Variants in CEBPZOS observed in about 807,000 individuals in gnomAD.
The protein encoded by CEBPZOS is CEBPZ opposite strand.
In CEBPZOS, 10 loss-of-function variants were observed where a neutral mutation model predicts 4.8. The observed-to-expected ratio is 2.07, with a 90% CI of 1.28 to 3.52. The LOEUF (loss-of-function observed/expected upper bound fraction) is 3.52. Among genes scored for constraint, CEBPZOS ranks in the 30% most tolerant of loss-of-function variants. CEBPZOS has a pLI of 0.00. For synonymous variants in CEBPZOS, 25 were observed against 14.2 expected (o/e 1.77, Z -1.72); for missense variants, 98 against 43.6 (o/e 2.25, Z -3.51).
At chr2:37,214,802 A>T, downstream of CEBPZOS, 1 of 831,894 alleles carries the variant, frequency 1.2e-6, no homozygotes, top group Non-Finnish European at 2.0e-6. Context: ...GAAGTAGATT[A>T]TTTCATAAAA....
Position 37,204,076 on chromosome 2 carries a change from T to C in CEBPZOS, c.*2216T>C, listed in dbSNP as rs1677421236. ...TCTTGATTTTTATTAAGGTGATATGTATGTTACTTAACAGCTGTATAATAC... is the reference window on the plus strand; with the variant it reads ...TCTTGATTTTTATTAAGGTGATATGCATGTTACTTAACAGCTGTATAATAC... On this transcript the variant is annotated 3_prime_UTR_variant, in exon 5 of 5. Coordinates refer to ENST00000402297, the MANE Select transcript of CEBPZOS (RefSeq NM_001322374.2). 6.6e-6 allele frequency: 1 copy of C among 150,852 alleles called. No homozygotes were observed. The highest frequency in any genetic ancestry group is 2.1e-4 in the South Asian group (1 of 4,830). The allele number at this position is 150,852 out of a possible 1,614,324, so 9.3% of individuals were successfully genotyped here. A position where few individuals can be genotyped will look rare whatever the true frequency, so the allele number is the denominator to read the frequency against.
At chr2:37,213,748 T>C, downstream of CEBPZOS, 1 of 672,626 alleles carries the variant, frequency 1.5e-6, no homozygotes, top group Non-Finnish European at 2.5e-6. Flanking sequence ...GTGATTTGCA[T>C]GATATTCTTA....
intron 3 of CEBPZOS, chr2:37,201,345 T>G: frequency 2.0e-6 from 1 of 505,314 alleles, no homozygotes; most frequent in East Asian, 3.5e-5. Context: ...AACCACAGTT[T>G]AAACCTTTGG....
At position 37,212,446 on chromosome 2, in the gene CEBPZOS, A is replaced by G. The variant is rs192967955; in HGVS notation, c.*3-991A>G. 7.6e-5 allele frequency: 106 copies of G among 1,396,356 alleles called. No homozygotes were observed. In the African/African-American group the frequency reaches 1.4e-3, roughly 18 times the overall value. 86.5% of individuals were successfully genotyped at this position (1,396,356 alleles called of 1,614,324 possible). ...CAACAAAGAATGACAAGCTTGACAT[A>G]TATCTTGTATCTGAATCAATTATTC... is the stretch of plus-strand genomic sequence containing the variant. On this transcript the variant is annotated intron_variant, in intron 4 of 4. Transcript: ENST00000397064.
At chr2:37,210,228 A>AAGAACTGAAAGT (rs1677677315) in intron 4 of CEBPZOS, 1 of 152,354 alleles carries the variant, frequency 6.6e-6, no homozygotes, top group East Asian at 1.9e-4. Context: ...AGAGTCCTTA[A>AAGAACTGAAAGT]AGAACTGAAA....
chr2:37,206,297 G>A (rs1259289995), downstream of CEBPZOS, among the ~76,000 whole-genome samples: 1 of 152,232 alleles, frequency 6.6e-6, no homozygotes, highest in African/African-American at 2.4e-5. Context: ...TATCTATGCT[G>A]AGAATTCACC....
chr2:37,214,035 T>C (rs1210529992), downstream of CEBPZOS: 7 of 734,888 alleles, frequency 9.5e-6, no homozygotes, highest in South Asian at 1.2e-4. Flanking sequence ...AAAGCACCTA[T>C]GACCAGTGGC....
chr2:37,213,705 C>T (rs1289033495), exon 5 of CEBPZOS: 3 of 550,656 alleles, frequency 5.4e-6, no homozygotes, highest in East Asian at 3.6e-5. Context: ...TGAGCCACAG[C>T]GCCTGGCCCC....
At chr2:37,211,943 T>G (rs776637530) in intron 4 of CEBPZOS, 3 of 1,613,810 alleles carry the variant, frequency 1.9e-6, no homozygotes, top group Non-Finnish European at 2.5e-6. Context: ...CTAAAGAAAC[T>G]TCATCGTCAT....
chr2:37,201,047 G>A lies in CEBPZOS; in HGVS notation c.116-1G>A. 1.4e-6 allele frequency: 1 copy of A among 715,024 alleles called. No individual in the cohort carries two copies. Among genetic ancestry groups the A allele is most frequent in the South Asian group, 1.5e-5 (1 of 66,762 alleles). The allele number at this position is 715,024 out of a possible 1,614,324, so 44.3% of individuals were successfully genotyped here. A position where few individuals can be genotyped will look rare whatever the true frequency, so the allele number is the denominator to read the frequency against. On this transcript the variant is annotated splice_acceptor_variant, in intron 2 of 4. Transcript: ENST00000402297. LOFTEE classifies it high-confidence loss of function. Reference sequence around the variant, plus strand: ...TTTCAAGACATCCTTTTTTCCATCAGATTTCAGGCAAACAATGAGCAAGAA... The same window carrying A: ...TTTCAAGACATCCTTTTTTCCATCAAATTTCAGGCAAACAATGAGCAAGAA...
downstream of CEBPZOS, chr2:37,215,046 C>G: frequency 1.3e-6 from 1 of 796,192 alleles, no homozygotes. Context: ...ATCTGTAATT[C>G]TAAAAATCTC....
chr2:37,213,725 T>C (rs1170205253), exon 5 of CEBPZOS: 1 of 605,606 alleles, frequency 1.7e-6, no homozygotes, highest in Non-Finnish European at 2.8e-6. Context: ...CAAATATTTC[T>C]TAATCTTCCA....
chr2:37,199,850 A>T lies in CEBPZOS; in HGVS notation c.115+31A>T, dbSNP rs1306273672. 6 of 713,514 alleles carry T rather than the reference A, an allele frequency of 8.4e-6. No individual in the cohort carries two copies. The African/African-American group carries it at 1.1e-4, about 13-fold the overall frequency. The allele number at this position is 713,514 out of a possible 1,614,324, so 44.2% of individuals were successfully genotyped here. On this transcript the variant is annotated intron_variant, in intron 2 of 4. Coordinates refer to ENST00000402297, the MANE Select transcript of CEBPZOS (RefSeq NM_001322374.2). ...CATAATTCAGAAGTTAATGCTTTCT[A>T]AAGGGGTATAGTTTTGCTAATCCAT...
chr2:37,201,602 T>G (rs1161179835), intron 3 of CEBPZOS, 40 bp from the exon 4 acceptor site: 2 of 675,616 alleles, frequency 3.0e-6, no homozygotes, highest in Non-Finnish European at 2.7e-6. Flanking sequence ...TAACAATGCT[T>G]CCACATGACT....
intron 1 of CEBPZOS, 31 bp downstream of exon 1, chr2:37,196,551 C>G (rs1012409674): frequency 6.6e-6 from 1 of 152,322 alleles, no homozygotes; most frequent in Non-Finnish European, 1.5e-5. Context: ...TTCCCATGGG[C>G]GGTCGGATTT....
chr2:37,209,414 CAA>C (rs796536578), downstream of CEBPZOS: 1 of 152,082 alleles, frequency 6.6e-6, no homozygotes, highest in South Asian at 2.1e-4. Flanking sequence ...CTATTGTTAC[CAA>C]AATAGCATGG....
chr2:37,210,730 T>G, intron 4 of CEBPZOS: 1 of 331,196 alleles, frequency 3.0e-6, no homozygotes, highest in Non-Finnish European at 5.6e-6. Context: ...CTTACCTATG[T>G]AACCAAACAC....
chr2:37,205,131 C>G (rs937419009), downstream of CEBPZOS, among the ~76,000 whole-genome samples: 12 of 152,260 alleles, frequency 7.9e-5, no homozygotes, highest in East Asian at 9.6e-4. Flanking sequence ...TATTACAGGA[C>G]TAAGAAATTG....
At chr2:37,212,155 C>G in intron 4 of CEBPZOS, 1 of 1,022,204 alleles carries the variant, frequency 9.8e-7, no homozygotes. Flanking sequence ...GCTTTGCAGA[C>G]TGCTCAGAGT....
Sources: allele counts gnomAD v4.1 joint callset (sites outside exome capture counted in the v4.1 genomes callset), GRCh38; gene constraint gnomAD v4.1.1; transcripts MANE v1.5; gene names NCBI Gene and HGNC (gene_info 2026-07-23, HGNC 2026-07-21).